CDH12: variants seen among roughly 807,000 people sequenced by gnomAD.
CDH12 encodes cadherin 12, also known as cadherin-12.
In CDH12, 41 loss-of-function variants were observed where a neutral mutation model predicts 74.1. That is an observed-to-expected ratio of 0.55 (90% CI 0.43 to 0.72). The LOEUF (loss-of-function observed/expected upper bound fraction) is 0.72. Among genes scored for constraint, CDH12 ranks in the 30% least tolerant of loss-of-function variants. The pLI is 0.00. For missense variants in CDH12, 945 were observed against 977.2 expected (o/e 0.97, Z 0.44); for synonymous variants, 399 against 355.0 (o/e 1.12, Z -1.39).
rs148813792 is a variant in CDH12 at position 22,253,963 on chromosome 5, A to C, written c.-332-41320T>G. Reference sequence around the variant, plus strand: ...ATTTACAGATATTTCAGTGTCTTTCACAAATATCGATAAATTAGGATCACA... The same window carrying C: ...ATTTACAGATATTTCAGTGTCTTTCCCAAATATCGATAAATTAGGATCACA... On this transcript the variant is annotated intron_variant, in intron 3 of 14. Transcript: ENST00000382254. Among the ~76,000 whole-genome samples, 484 of 152,052 alleles carry C rather than the reference A, an allele frequency of 3.2e-3. 2 individuals carry two copies. Among genetic ancestry groups the C allele is most frequent in the African/African-American group, 0.011 (469 of 41,564 alleles).
At chr5:21,964,626 G>T (rs1756502709) in intron 6 of CDH12, among the ~76,000 whole-genome samples, 1 of 151,822 alleles carries the variant, frequency 6.6e-6, no homozygotes, top group Non-Finnish European at 1.5e-5. Flanking sequence ...TTCCCATTAA[G>T]CTAAGCCTGC....
intron 1 of CDH12, among the ~76,000 whole-genome samples, chr5:22,711,338 T>C (rs1226565232): frequency 6.6e-6 from 1 of 151,620 alleles, no homozygotes; most frequent in African/African-American, 2.4e-5. Context: ...CAGCAAGGAG[T>C]TAATATGAAG....
intron 5 of CDH12, among the ~76,000 whole-genome samples, chr5:21,994,522 A>G (rs1363038304): frequency 6.6e-6 from 1 of 152,110 alleles, no homozygotes; most frequent in Non-Finnish European, 1.5e-5. Context: ...TTTATTGAAT[A>G]CTCATTGTAT....
At chr5:22,460,365 C>T (rs879795967) in intron 2 of CDH12, among the ~76,000 whole-genome samples, 1 of 152,084 alleles carries the variant, frequency 6.6e-6, no homozygotes, top group Non-Finnish European at 1.5e-5. Context: ...GCCTTGGCAA[C>T]CACTGTTTGG....
At chr5:21,919,112 A>C (rs959287821) in intron 6 of CDH12, among the ~76,000 whole-genome samples, 1 of 152,194 alleles carries the variant, frequency 6.6e-6, no homozygotes, top group African/African-American at 2.4e-5. Flanking sequence ...ACTGATAATA[A>C]CTGCAATGTC....
intron 2 of CDH12, among the ~76,000 whole-genome samples, chr5:22,412,625 A>C (rs932015933): frequency 6.6e-6 from 1 of 151,886 alleles, no homozygotes; most frequent in Non-Finnish European, 1.5e-5. Context: ...TACATTATTG[A>C]GGAGGAAACT....
rs528606019 is a variant in CDH12, at chr5:22,733,354, G to A, written c.-523+119704C>T. Among the ~76,000 whole-genome samples the A allele has an allele frequency of 1.3e-3, 200 of 151,218 alleles. 2 individuals are homozygous for A. The highest frequency in any genetic ancestry group is 3.7e-3 in the African/African-American group (151 of 41,276). On this transcript the variant is annotated intron_variant, in intron 1 of 14. Transcript: ENST00000382254. ...ATCCTAAGCATATTTCAAAAACTAC[G>A]TTAAAAAAGGAGCAAAATTCAAAAA...
intron 2 of CDH12, among the ~76,000 whole-genome samples, chr5:22,502,152 G>A (rs1462739991): frequency 1.3e-5 from 2 of 152,104 alleles, no homozygotes; most frequent in Non-Finnish European, 2.9e-5. Context: ...TTGAGTTGTA[G>A]TTCCTATAAC....
chr5:21,784,368 A>G (rs1230936423), intron 10 of CDH12, among the ~76,000 whole-genome samples: 2 of 152,118 alleles, frequency 1.3e-5, no homozygotes, highest in Non-Finnish European at 2.9e-5. Context: ...ATGCTTACAC[A>G]TTGAGAATAA....
chr5:21,939,599 A>G (rs1755240245), intron 6 of CDH12, among the ~76,000 whole-genome samples: 1 of 152,258 alleles, frequency 6.6e-6, no homozygotes, highest in African/African-American at 2.4e-5. Context: ...TTATTTAGGT[A>G]CTAATTAAAA....
At position 22,395,797 on chromosome 5, in the gene CDH12, G is replaced by A. The variant is rs144046517; in HGVS notation, c.-333+9460C>T. Among the ~76,000 whole-genome samples, 591 of 152,184 alleles carry A rather than the reference G, an allele frequency of 3.9e-3. 1 individual carries two copies. The highest frequency in any genetic ancestry group is 6.1e-3 in the Admixed American group (93 of 15,266). ...TATGAAGTATCCTGTTAAAAATGTT[G>A]TAAATAAAGAAGAGATGGGTAAGGC... On this transcript the variant is annotated intron_variant, in intron 3 of 14. Transcript: ENST00000382254.
chr5:22,722,349 C>T (rs1743942611), intron 1 of CDH12, among the ~76,000 whole-genome samples: 1 of 152,196 alleles, frequency 6.6e-6, no homozygotes, highest in South Asian at 2.1e-4. Context: ...AACCAAGTCC[C>T]TTGCAGAGTT....
At chr5:22,544,262 G>A (rs1738222942) in intron 1 of CDH12, among the ~76,000 whole-genome samples, 1 of 151,952 alleles carries the variant, frequency 6.6e-6, no homozygotes, top group South Asian at 2.1e-4. Flanking sequence ...GACTCCTGTT[G>A]TTTACAATCT....
intron 9 of CDH12, among the ~76,000 whole-genome samples, chr5:21,803,528 C>T (rs956227172): frequency 2.0e-5 from 3 of 152,126 alleles, no homozygotes; most frequent in Non-Finnish European, 4.4e-5. Context: ...TCGCTGCTTA[C>T]TTGCACCCTC....
At chr5:22,380,070 T>TA (rs1302443839) in intron 3 of CDH12, among the ~76,000 whole-genome samples, 4 of 152,146 alleles carry the variant, frequency 2.6e-5, no homozygotes, top group African/African-American at 9.7e-5. Context: ...TCTCAAACAT[T>TA]AAAAATGTGA....
intron 6 of CDH12, among the ~76,000 whole-genome samples, chr5:21,971,630 C>A (rs1319907068): frequency 3.3e-5 from 5 of 152,060 alleles, no homozygotes; most frequent in Non-Finnish European, 7.4e-5. Context: ...AACCTGTCAG[C>A]ATTGTAGGAA....
At chr5:22,487,043 C>CTTT (rs57276626) in intron 2 of CDH12, among the ~76,000 whole-genome samples, 22 of 150,214 alleles carry the variant, frequency 1.5e-4, no homozygotes, top group African/African-American at 5.1e-4. Flanking sequence ...ATACATACGG[C>CTTT]TTTTTTTGTG....
At chr5:22,325,119 G>A (rs1450409883) in intron 3 of CDH12, among the ~76,000 whole-genome samples, 1 of 152,084 alleles carries the variant, frequency 6.6e-6, no homozygotes, top group Admixed American at 6.5e-5. Context: ...GTGCTGGGTG[G>A]GAGACTTTTC....
In CDH12 at chr5:22,541,428, G is replaced by A. The variant is rs377375156; in HGVS notation, c.-522-36064C>T. On this transcript the variant is annotated intron_variant, in intron 1 of 14. Coordinates refer to ENST00000382254, the MANE Select transcript of CDH12 (RefSeq NM_004061.5). ...TAATTTTCAAGCTGTGGGGTGTGAG[G>A]CACCATGTTTTATCTGAAATTCCAA... 5.3e-5 allele frequency among the ~76,000 whole-genome samples: 8 copies of A among 152,272 alleles called. No individual in the cohort carries two copies. In the South Asian group the frequency reaches 1.7e-3, roughly 32 times the overall value.
Sources: allele counts gnomAD v4.1 joint callset (sites outside exome capture counted in the v4.1 genomes callset), GRCh38; gene constraint gnomAD v4.1.1; transcripts MANE v1.5; gene names NCBI Gene and HGNC (gene_info 2026-07-23, HGNC 2026-07-21).